Variants in CBX5 observed in about 807,000 individuals in gnomAD.
CBX5 encodes chromobox 5.
Under a neutral mutation model 20.7 loss-of-function variants are expected in CBX5, and 7 were observed. That is an observed-to-expected ratio of 0.34 (90% CI 0.19 to 0.63). The LOEUF is 0.63. CBX5 is among the 30% of genes least tolerant of loss of function. CBX5 has a pLI of 0.75. For missense variants in CBX5, 110 were observed against 224.1 expected (o/e 0.49, Z 3.25); for synonymous variants, 78 against 77.0 (o/e 1.01, Z -0.07).
chr12:54,245,739 G>A (rs527489146), intron 4 of CBX5, among the ~76,000 whole-genome samples: 5 of 152,104 alleles, frequency 3.3e-5, no homozygotes, highest in African/African-American at 7.2e-5. Flanking sequence ...GCGGTAAGCC[G>A]AGATCGCACC....
At chr12:54,265,453 C>T (rs1943948030) in intron 1 of CBX5, among the ~76,000 whole-genome samples, 1 of 152,170 alleles carries the variant, frequency 6.6e-6, no homozygotes, top group Non-Finnish European at 1.5e-5. Flanking sequence ...CATAGAGATG[C>T]ACATTACAGC....
intron 2 of CBX5, among the ~76,000 whole-genome samples, chr12:54,257,131 T>C (rs1215672593): frequency 2.0e-5 from 3 of 152,136 alleles, no homozygotes; most frequent in East Asian, 3.9e-4. Flanking sequence ...GTGCTGAGAT[T>C]AGAGTGCAAG....
chr12:54,235,693 T>G lies in CBX5; in HGVS notation c.*6062A>C, dbSNP rs1943614298. 6.6e-6 allele frequency: 1 copy of G among 152,228 alleles called. No individual in the cohort carries two copies. The highest frequency in any genetic ancestry group is 1.5e-5 in the Non-Finnish European group (1 of 68,036). 9.4% of individuals were successfully genotyped at this position (152,228 alleles called of 1,614,324 possible). On this transcript the variant is annotated 3_prime_UTR_variant, in exon 5 of 5. Transcript: ENST00000209875. Reference sequence around the variant, plus strand: ...GTAGATGCTCAGGTATTAACAGATGTGCTCCAAGACTTCTCTTTAGAAAAT... The same window carrying G: ...GTAGATGCTCAGGTATTAACAGATGGGCTCCAAGACTTCTCTTTAGAAAAT...
Position 54,262,170 on chromosome 12 carries a change from A to G in CBX5, c.-42-4478T>C, listed in dbSNP as rs1312115419. On this transcript the variant is annotated intron_variant, in intron 1 of 4. Coordinates refer to ENST00000209875, the MANE Select transcript of CBX5 (RefSeq NM_012117.3). The stretch of plus-strand genomic sequence containing the variant: ...AACTCAGACAAACTTTAAAGATGGC[A>G]GAATGAAAAGACTAATAGTAACTCT... Among the ~76,000 whole-genome samples the G allele has an allele frequency of 8.5e-5, 13 of 152,376 alleles. No homozygotes were observed. The East Asian group carries it at 2.3e-3, about 27-fold the overall frequency.
intron 1 of CBX5, among the ~76,000 whole-genome samples, chr12:54,263,762 C>CA (rs66591051): frequency 0.16 from 5,820 of 37,282 alleles, 370 homozygotes; most frequent in East Asian, 0.42. Context: ...GACTCTATCT[C>CA]AAAAAAAAAA....
chr12:54,276,460 T>C (rs929126123), intron 1 of CBX5, among the ~76,000 whole-genome samples: 8 of 152,196 alleles, frequency 5.3e-5, no homozygotes, highest in African/African-American at 1.9e-4. Flanking sequence ...AAAAACAGAA[T>C]GGTTATGTGG....
At chr12:54,252,915 G>C (rs941021644) in intron 2 of CBX5, among the ~76,000 whole-genome samples, 1 of 151,488 alleles carries the variant, frequency 6.6e-6, no homozygotes, top group East Asian at 1.9e-4. Flanking sequence ...AGCCCGGGAA[G>C]GGGAGGTTGC....
chr12:54,246,304 T>C (rs1943735233), intron 3 of CBX5, 89 bp from the exon 4 acceptor site: 2 of 939,720 alleles, frequency 2.1e-6, no homozygotes, highest in African/African-American at 3.3e-5. Context: ...TAACCTAAGT[T>C]AATATCTCCT....
chr12:54,255,025 T>G (rs1057474764), intron 2 of CBX5, among the ~76,000 whole-genome samples: 2 of 152,186 alleles, frequency 1.3e-5, no homozygotes, highest in African/African-American at 4.8e-5. Context: ...AATCTGTTGA[T>G]AGCTAGAAAA....
chr12:54,263,127 G>A (rs1048059787), intron 1 of CBX5, among the ~76,000 whole-genome samples: 1 of 151,750 alleles, frequency 6.6e-6, no homozygotes, highest in Admixed American at 6.6e-5. Flanking sequence ...TTGGTAGGCC[G>A]AGGCGGGCAG....
intron 1 of CBX5, among the ~76,000 whole-genome samples, chr12:54,266,835 A>C (rs1032310387): frequency 4.6e-5 from 7 of 152,208 alleles, no homozygotes; most frequent in African/African-American, 1.7e-4. Context: ...TCTCTCAACT[A>C]TCAGTTTTCA....
chr12:54,232,844 T>C lies in CBX5; in HGVS notation c.*8911A>G, dbSNP rs192623872. 2 of 152,262 alleles carry C rather than the reference T, an allele frequency of 1.3e-5. No individual in the cohort carries two copies. The highest frequency in any genetic ancestry group is 1.3e-4 in the Admixed American group (2 of 15,294). 9.4% of individuals were successfully genotyped at this position (152,262 alleles called of 1,614,324 possible). A position where few individuals can be genotyped will look rare whatever the true frequency, so the allele number is the denominator to read the frequency against. On this transcript the variant is annotated 3_prime_UTR_variant, in exon 5 of 5. Transcript: ENST00000209875. ...TTGTAAAGAAATATTCACTTTATCT[T>C]AGGAGGTGAAGGACTAAGTCACACT...
rs1944103016 is a variant in CBX5, at chr12:54,279,240, C to G, written c.-43+768G>C. 2.0e-5 allele frequency among the ~76,000 whole-genome samples: 3 copies of G among 151,530 alleles called. No individual in the cohort carries two copies. The South Asian group carries it at 6.4e-4, about 32-fold the overall frequency. On this transcript the variant is annotated intron_variant, in intron 1 of 4. Coordinates refer to ENST00000209875, the MANE Select transcript of CBX5 (RefSeq NM_012117.3). ...TACATAGAGATTTCTCCCATTCGTT[C>G]TAACATTTTAACAGTCTTCCTAAAG...
In CBX5 at chr12:54,257,627, T is replaced by G; in HGVS notation, c.24A>C (p.Thr8=). 6.2e-7 allele frequency: 1 copy of G among 1,614,242 alleles called. No homozygotes were observed. Among genetic ancestry groups the G allele is most frequent in the Non-Finnish European group, 8.5e-7 (1 of 1,180,042 alleles). The change falls in exon 2 of 5, where the codon ACA becomes ACC. Residue 8 remains threonine (T), a synonymous_variant. Coordinates refer to ENST00000209875, the MANE Select transcript of CBX5 (RefSeq NM_012117.3). ...CATCCTCTGAAGAAGAACTGTCAGC[T>G]GTCCGCTTGGTTTTCTTTCCCATGT... MGKKTKR[T]ADSSSSEDEE...
rs1250725073 is a variant in CBX5, at chr12:54,237,880, T to A, written c.*3875A>T. The stretch of plus-strand genomic sequence containing the variant: ...GAGAGCAAACAAATAATGACAATTT[T>A]ATTTTTGTCCACAAAAATTTAATAG... On this transcript the variant is annotated 3_prime_UTR_variant, in exon 5 of 5. Transcript: ENST00000209875. 6.6e-6 allele frequency: 1 copy of A among 152,250 alleles called. No individual in the cohort carries two copies. The highest frequency in any genetic ancestry group is 1.5e-5 in the Non-Finnish European group (1 of 68,046). The allele number at this position is 152,250 out of a possible 1,614,324, so 9.4% of individuals were successfully genotyped here.
At chr12:54,276,424 ATTGG>A (rs1406102240) in intron 1 of CBX5, among the ~76,000 whole-genome samples, 3 of 152,220 alleles carry the variant, frequency 2.0e-5, no homozygotes, top group Non-Finnish European at 4.4e-5. Context: ...ATCTCATGTA[ATTGG>A]TTGATTACTG....
intron 4 of CBX5, among the ~76,000 whole-genome samples, chr12:54,242,297 G>A (rs986896152): frequency 1.3e-5 from 2 of 151,630 alleles, no homozygotes; most frequent in African/African-American, 2.4e-5. Flanking sequence ...AGGCCGAGGC[G>A]GGTGGATCAC....
chr12:54,261,857 G>A (rs1316395169), intron 1 of CBX5, among the ~76,000 whole-genome samples: 1 of 152,076 alleles, frequency 6.6e-6, no homozygotes, highest in African/African-American at 2.4e-5. Flanking sequence ...ACCTCCGAGG[G>A]AAAAAGTGAG....
At chr12:54,249,621 A>C (rs1943773055) in intron 3 of CBX5, among the ~76,000 whole-genome samples, 1 of 152,150 alleles carries the variant, frequency 6.6e-6, no homozygotes, top group Non-Finnish European at 1.5e-5. Context: ...TACATCCTTC[A>C]CCACAAAAGG....
Sources: allele counts gnomAD v4.1 joint callset (sites outside exome capture counted in the v4.1 genomes callset), GRCh38; gene constraint gnomAD v4.1.1; transcripts MANE v1.5; gene names NCBI Gene and HGNC (gene_info 2026-07-23, HGNC 2026-07-21).